The following ZSCAN4 variants were observed in gnomAD, a reference collection of about 807,000 sequenced individuals.
ZSCAN4 encodes zinc finger and SCAN domain containing 4, also known as zinc finger and SCAN domain-containing protein 4.
A neutral mutation model predicts 18.3 loss-of-function variants in ZSCAN4; 18 were observed. The observed-to-expected ratio is 0.98, with a 90% CI of 0.68 to 1.46. The LOEUF is 1.46. Among genes scored for constraint, ZSCAN4 ranks in the 40% most tolerant of loss-of-function variants. The pLI is 0.00. For missense variants in ZSCAN4, 498 were observed against 511.4 expected, an observed-to-expected ratio of 0.97 and a Z score of 0.25; for synonymous variants, 193 against 180.3, an observed-to-expected ratio of 1.07 and a Z score of -0.57.
In ZSCAN4 at chr19:57,676,548, A is replaced by G. The variant is rs373967554; in HGVS notation, c.396+7A>G. On this transcript the variant is annotated splice_region_variant and intron_variant, in intron 3 of 4. Coordinates refer to ENST00000318203, the Ensembl canonical transcript of ZSCAN4. ...CATAAATCCACCTGCCTTAGTGAGT[A>G]CAGGGTTCTAACTTCTGGGATGAGA... The G allele has an allele frequency of 3.2e-5, 52 of 1,601,530 alleles. 2 individuals are homozygous for G. The Middle Eastern group carries it at 3.2e-3, about 98-fold the overall frequency.
At chr19:57,659,006 C>T in the ZSCAN4 span, among the ~76,000 whole-genome samples, 1 of 152,078 alleles carries the variant, frequency 6.6e-6, no homozygotes, top group Admixed American at 6.6e-5. Flanking sequence ...ACTGTCTGCA[C>T]ATATAGTCAA....
chr19:57,669,924 A>G (rs1039729294), intron 1 of ZSCAN4, among the ~76,000 whole-genome samples: 1 of 151,992 alleles, frequency 6.6e-6, no homozygotes, highest in African/African-American at 2.4e-5. Flanking sequence ...CTAGGGATTC[A>G]CAGAGTCTTG....
At chr19:57,678,852 A>T (rs969257463) in exon 5 of ZSCAN4, 2 of 1,612,202 alleles carry the variant, frequency 1.2e-6, no homozygotes, top group South Asian at 2.2e-5. Flanking sequence ...CCATATGAGG[A>T]CTCATGAGAA....
chr19:57,673,658 A>T (rs1984090016), intron 2 of ZSCAN4, among the ~76,000 whole-genome samples: 2 of 152,056 alleles, frequency 1.3e-5, no homozygotes, highest in Non-Finnish European at 2.9e-5. Flanking sequence ...GCACCATTTG[A>T]TCAACATCTT....
intron 2 of ZSCAN4, among the ~76,000 whole-genome samples, chr19:57,674,849 C>T (rs904236929): frequency 8.6e-5 from 13 of 151,956 alleles, no homozygotes; most frequent in African/African-American, 2.9e-4. Flanking sequence ...TTCCTTATTT[C>T]ACTGGTTAGG....
chr19:57,661,673 C>A, the ZSCAN4 span, among the ~76,000 whole-genome samples: 3 of 152,136 alleles, frequency 2.0e-5, no homozygotes. Flanking sequence ...ATTAGAGATT[C>A]TTTAAAAATG....
chr19:57,677,865 C>G (rs764347099), intron 3 of ZSCAN4, 49 bp from the exon 4 acceptor site: 1 of 1,476,080 alleles, frequency 6.8e-7, no homozygotes, highest in South Asian at 1.5e-5. Flanking sequence ...AAAAAGTCTT[C>G]TGTTACACAA....
At chr19:57,678,372 T>A in exon 5 of ZSCAN4, 1 of 1,613,868 alleles carries the variant, frequency 6.2e-7, no homozygotes, top group East Asian at 2.2e-5. Context: ...TCAGGAAGGG[T>A]CCATAAATGG....
At chr19:57,670,713 A>T (rs186010185) in intron 2 of ZSCAN4, 146 bp downstream of exon 2, 1 of 152,198 alleles carries the variant, frequency 6.6e-6, no homozygotes, top group African/African-American at 2.4e-5. Flanking sequence ...TCCTAACTAC[A>T]GAGATATGGG....
At chr19:57,669,694 G>C (rs1446735959) in intron 1 of ZSCAN4, among the ~76,000 whole-genome samples, 1 of 151,674 alleles carries the variant, frequency 6.6e-6, no homozygotes, top group Admixed American at 6.6e-5. Flanking sequence ...AAAAGTGCTG[G>C]GATTACAGGC....
the ZSCAN4 span, among the ~76,000 whole-genome samples, chr19:57,657,839 C>T: frequency 6.6e-6 from 1 of 152,172 alleles, no homozygotes; most frequent in East Asian, 1.9e-4. Flanking sequence ...AATGCAAATG[C>T]TGTTTAAATA....
At chr19:57,654,243 A>T in the ZSCAN4 span, among the ~76,000 whole-genome samples, 1 of 151,988 alleles carries the variant, frequency 6.6e-6, no homozygotes, top group African/African-American at 2.4e-5. Context: ...CTATTTTGGG[A>T]CTGAATATAT....
At chr19:57,653,844 A>T in the ZSCAN4 span, among the ~76,000 whole-genome samples, 3 of 152,148 alleles carry the variant, frequency 2.0e-5, no homozygotes, top group African/African-American at 7.2e-5. Context: ...CTGTGGTATC[A>T]AGGGACACTG....
the ZSCAN4 span, among the ~76,000 whole-genome samples, chr19:57,660,131 G>A: frequency 4.6e-5 from 7 of 152,152 alleles, no homozygotes; most frequent in Non-Finnish European, 1.0e-4. Context: ...CAGATGCCAA[G>A]TGAGTAACTC....
chr19:57,657,562 C>T, the ZSCAN4 span, among the ~76,000 whole-genome samples: 1 of 152,048 alleles, frequency 6.6e-6, no homozygotes, highest in Non-Finnish European at 1.5e-5. Flanking sequence ...ACACTGTAGC[C>T]GTTATTAAAG....
At chr19:57,674,980 A>C (rs1230374745) in intron 2 of ZSCAN4, among the ~76,000 whole-genome samples, 2 of 129,050 alleles carry the variant, frequency 1.5e-5, no homozygotes, top group Admixed American at 1.6e-4. Context: ...TTTTTTTAAG[A>C]GTCTCACTCT....
At chr19:57,678,477 A>C (rs1984260335) in exon 5 of ZSCAN4, 1 of 1,614,166 alleles carries the variant, frequency 6.2e-7, no homozygotes, top group South Asian at 1.1e-5. Flanking sequence ...CCACCAGAGC[A>C]ATGAGGGAAA....
upstream of ZSCAN4, among the ~76,000 whole-genome samples, chr19:57,667,074 G>A (rs1983875834): frequency 6.6e-6 from 1 of 152,162 alleles, no homozygotes; most frequent in South Asian, 2.1e-4. Context: ...TTTACCAAAG[G>A]CAGCACTACC....
At chr19:57,672,998 AT>A (rs913702373) in intron 2 of ZSCAN4, among the ~76,000 whole-genome samples, 1 of 151,772 alleles carries the variant, frequency 6.6e-6, no homozygotes, top group African/African-American at 2.4e-5. Flanking sequence ...GAGCATATTC[AT>A]TTTTTTTCCC....
Sources: gnomAD v4.1 joint callset for allele counts (sites outside exome capture counted in the v4.1 genomes callset) on GRCh38, gnomAD v4.1.1 for gene constraint, MANE v1.5 for transcripts, NCBI Gene and HGNC (gene_info 2026-07-23, HGNC 2026-07-21) for gene names.